KLHL25: variants seen among roughly 807,000 people sequenced by gnomAD.
The protein encoded by KLHL25 is kelch-like protein 25.
In KLHL25, 41 loss-of-function variants were observed where a neutral mutation model predicts 30.0. The observed-to-expected ratio is 1.37, with a 90% CI of 1.07 to 1.78. KLHL25 has a LOEUF of 1.78. Ranked by LOEUF, KLHL25 falls within the 40% of genes most tolerant of loss-of-function variation. KLHL25 has a pLI of 0.00. For missense variants in KLHL25, 971 were observed against 824.5 expected (o/e 1.18, Z -2.18); for synonymous variants, 399 against 355.3 (o/e 1.12, Z -1.38).
chr15:85,773,986 G>T (rs1242662030), intron 1 of KLHL25, among the ~76,000 whole-genome samples: 1 of 152,162 alleles, frequency 6.6e-6, no homozygotes, highest in Non-Finnish European at 1.5e-5. Flanking sequence ...CAGAAGAATG[G>T]TTGTGTGTGA....
intron 1 of KLHL25, among the ~76,000 whole-genome samples, chr15:85,770,818 C>T (rs570409337): frequency 1.3e-5 from 2 of 152,130 alleles, no homozygotes; most frequent in Non-Finnish European, 2.9e-5. Context: ...GGGGACCTGG[C>T]GCTCAGAGTG....
At chr15:85,780,051 C>T (rs1301963250) in intron 1 of KLHL25, among the ~76,000 whole-genome samples, 2 of 152,182 alleles carry the variant, frequency 1.3e-5, no homozygotes, top group East Asian at 3.9e-4. Context: ...TCTTTCAGCT[C>T]AAGGAGGGGT....
intron 2 of KLHL25, among the ~76,000 whole-genome samples, chr15:85,766,029 G>T (rs978766431): frequency 2.0e-5 from 3 of 152,168 alleles, no homozygotes; most frequent in Non-Finnish European, 4.4e-5. Flanking sequence ...TGAGCCATCA[G>T]CTTCCATTGA....
At chr15:85,766,220 C>T (rs1009070940) in intron 2 of KLHL25, among the ~76,000 whole-genome samples, 8 of 152,234 alleles carry the variant, frequency 5.3e-5, no homozygotes, top group Non-Finnish European at 1.2e-4. Context: ...GCTGCAGGAT[C>T]GTGGGAAGCG....
At chr15:85,784,522 C>T (rs2089766425) in intron 1 of KLHL25, among the ~76,000 whole-genome samples, 1 of 149,318 alleles carries the variant, frequency 6.7e-6, no homozygotes, top group South Asian at 2.2e-4. Context: ...AACAGCGAAA[C>T]TCCATCTCAA....
chr15:85,791,738 G>A (rs534844742), intron 1 of KLHL25, among the ~76,000 whole-genome samples: 1 of 152,134 alleles, frequency 6.6e-6, no homozygotes, highest in East Asian at 1.9e-4. Context: ...AGGGGAGCCC[G>A]GCATGACTGA....
chr15:85,785,712 C>T (rs1179423997), intron 1 of KLHL25, among the ~76,000 whole-genome samples: 1 of 152,182 alleles, frequency 6.6e-6, no homozygotes, highest in Non-Finnish European at 1.5e-5. Context: ...TGGCCCCTGC[C>T]TCAGCCCGCA....
rs531976858 is a variant in KLHL25, at chr15:85,784,124, A to G, written c.-11+10642T>C. On this transcript the variant is annotated intron_variant, in intron 1 of 2. Coordinates refer to ENST00000337975, the MANE Select transcript of KLHL25 (RefSeq NM_022480.4). ...TCCTGTGATCATGACAGAGATTTTCAAATCTAATTAATGTGTGCTACATAG... is the reference window on the plus strand; with the variant it reads ...TCCTGTGATCATGACAGAGATTTTCGAATCTAATTAATGTGTGCTACATAG... Among the ~76,000 whole-genome samples the G allele has an allele frequency of 3.3e-5, 5 of 152,360 alleles. No individual in the cohort carries two copies. The East Asian group carries it at 5.8e-4, about 18-fold the overall frequency.
intron 1 of KLHL25, among the ~76,000 whole-genome samples, chr15:85,771,550 G>C (rs2089674755): frequency 6.6e-6 from 1 of 152,256 alleles, no homozygotes; most frequent in African/African-American, 2.4e-5. Flanking sequence ...CGAGATTAGA[G>C]CTAGCAAGGT....
intron 2 of KLHL25, among the ~76,000 whole-genome samples, chr15:85,765,828 C>CAAA (rs35443769): frequency 0.018 from 1,882 of 103,532 alleles, 59 homozygotes; most frequent in African/African-American, 0.065. Flanking sequence ...GAGACTGTCT[C>CAAA]AAAAAAAAAA....
rs571398628 is a variant in KLHL25, at chr15:85,767,997, G to A, written c.*24+20C>T. 124 of 1,519,542 alleles carry A rather than the reference G, an allele frequency of 8.2e-5. No homozygotes were observed. Among genetic ancestry groups the A allele is most frequent in the East Asian group, 2.8e-4 (12 of 43,458 alleles). 94.1% of individuals were successfully genotyped at this position (1,519,542 alleles called of 1,614,324 possible). A position where few individuals can be genotyped will look rare whatever the true frequency, so the allele number is the denominator to read the frequency against. ...TGACCTTTCCGGACCCAGAGTGGCCGTGGGCTGCCAGGGACTCACCTGGCT... is the reference window on the plus strand; with the variant it reads ...TGACCTTTCCGGACCCAGAGTGGCCATGGGCTGCCAGGGACTCACCTGGCT... On this transcript the variant is annotated intron_variant, in intron 2 of 2. Transcript: ENST00000337975.
chr15:85,790,342 C>T (rs1166989406), intron 1 of KLHL25, among the ~76,000 whole-genome samples: 1 of 152,162 alleles, frequency 6.6e-6, no homozygotes, highest in Non-Finnish European at 1.5e-5. Context: ...CCCACCTCGG[C>T]CTCCCAAAGC....
At chr15:85,774,817 T>C (rs769803271) in intron 1 of KLHL25, among the ~76,000 whole-genome samples, 1 of 151,810 alleles carries the variant, frequency 6.6e-6, no homozygotes, top group Non-Finnish European at 1.5e-5. Flanking sequence ...CCAATCCGTA[T>C]GGCCCCCTGG....
intron 1 of KLHL25, among the ~76,000 whole-genome samples, chr15:85,778,280 G>T (rs1367186926): frequency 6.6e-6 from 1 of 152,148 alleles, no homozygotes; most frequent in East Asian, 1.9e-4. Context: ...ACATCTCACT[G>T]GCCAAATCCA....
At position 85,769,177 on chromosome 15, in the gene KLHL25, C is replaced by T. The variant is rs757763777; in HGVS notation, c.634G>A (p.Glu212Lys). 6 of 1,613,280 alleles carry T rather than the reference C, an allele frequency of 3.7e-6. No individual in the cohort carries two copies. The highest frequency in any genetic ancestry group is 1.7e-5 in the Admixed American group (1 of 60,012). Residue 212 changes from glutamate to lysine, a missense_variant, in exon 2 of 3, where the codon GAG (glutamate) becomes AAG (lysine). Coordinates refer to ENST00000337975, the MANE Select transcript of KLHL25 (RefSeq NM_022480.4). ...TGCTTCACCCACTGGAGGATGGCCT[C>T]GAAGACCACCCGCTCGTCCTCGGTC... ...LETEDERVVF[E>K]AILQWVKHDL...
chr15:85,788,702 C>A (rs2151813603), intron 1 of KLHL25, among the ~76,000 whole-genome samples: 1 of 152,294 alleles, frequency 6.6e-6, no homozygotes, highest in South Asian at 2.1e-4. Context: ...CTCTTTGAAC[C>A]TGACTTTCTT....
In KLHL25 at chr15:85,768,740, A is replaced by G. The variant is rs747676084; in HGVS notation, c.1071T>C (p.Asp357=). ...GRGSENGVSK[D]VWVYDTVHEE... ...CATGTACGGTGTCGTACACCCAGAC[A>G]TCCTTGGAGACCCCGTTCTCGGAGC... The change falls in exon 2 of 3, where the codon GAT becomes GAC. Residue 357 remains aspartate, a synonymous_variant. Coordinates refer to ENST00000337975, the MANE Select transcript of KLHL25 (RefSeq NM_022480.4). 1.7e-5 allele frequency: 27 copies of G among 1,613,074 alleles called. No homozygotes were observed. Among genetic ancestry groups the G allele is most frequent in the Non-Finnish European group, 2.2e-5 (26 of 1,179,908 alleles).
In KLHL25 at chr15:85,768,985, T is replaced by A; in HGVS notation, c.826A>T (p.Ile276Phe). The A allele has an allele frequency of 1.9e-6, 3 of 1,612,788 alleles. No individual in the cohort carries two copies. Among genetic ancestry groups the A allele is most frequent in the South Asian group, 1.1e-5 (1 of 91,078 alleles). ...GTGACCACGCCATCATTCTGCAGGA[T>A]CCTGGTCTTGCAGCGCAGGGCCTCA... ...MDEALRCKTR[I>F]LQNDGVVTSP... The change falls in exon 2 of 3, where the codon ATC becomes TTC. Residue 276 changes from isoleucine (I) to phenylalanine (F), a missense_variant. Physicochemically the swap from Ile to Phe is conservative, Grantham distance 21 (BLOSUM62 0). Transcript: ENST00000337975.
chr15:85,787,896 C>G lies in KLHL25; in HGVS notation c.-11+6870G>C, dbSNP rs146015767. Among the ~76,000 whole-genome samples the G allele has an allele frequency of 1.4e-3, 220 of 152,088 alleles. 1 individual carries two copies. The highest frequency in any genetic ancestry group is 3.3e-3 in the Admixed American group (50 of 15,288). ...GTGCTCCATCTTTTCCTATATTTTT[C>G]ATTTATAAAGGAAATCCTAGCTGGG... is the stretch of plus-strand genomic sequence containing the variant. On this transcript the variant is annotated intron_variant, in intron 1 of 2. Transcript: ENST00000337975.
Sources: allele counts gnomAD v4.1 joint callset (sites outside exome capture counted in the v4.1 genomes callset), GRCh38; gene constraint gnomAD v4.1.1; transcripts MANE v1.5; gene names NCBI Gene and HGNC (gene_info 2026-07-23, HGNC 2026-07-21).